Variants in ENTREP2 observed in about 807,000 individuals in gnomAD.
The protein encoded by ENTREP2 is protein ENTREP2.
chr15:29,557,594 G>A, the ENTREP2 span, among the ~76,000 whole-genome samples: 2 of 152,190 alleles, frequency 1.3e-5, no homozygotes, highest in Non-Finnish European at 2.9e-5. Context: ...AGACACGGGA[G>A]GGGAGAAGTG....
the ENTREP2 span, among the ~76,000 whole-genome samples, chr15:29,424,860 T>TATAA: frequency 1.3e-5 from 2 of 152,332 alleles, no homozygotes; most frequent in African/African-American, 4.8e-5. Context: ...GCAAGCCTTA[T>TATAA]CATGTCTGTG....
At chr15:29,125,698 G>C in the ENTREP2 span, among the ~76,000 whole-genome samples, 1 of 152,208 alleles carries the variant, frequency 6.6e-6, no homozygotes, top group South Asian at 2.1e-4. Flanking sequence ...CCAGCGCCGG[G>C]GGTGCCCAAG....
At chr15:29,651,331 G>T in the ENTREP2 span, among the ~76,000 whole-genome samples, 1 of 152,094 alleles carries the variant, frequency 6.6e-6, no homozygotes, top group African/African-American at 2.4e-5. Flanking sequence ...CTAGATATTA[G>T]GTATTCTGGA....
the ENTREP2 span, among the ~76,000 whole-genome samples, chr15:29,293,744 G>T: frequency 6.6e-6 from 1 of 152,154 alleles, no homozygotes; most frequent in South Asian, 2.1e-4. Flanking sequence ...CGTGGAAGTT[G>T]GCCATGCTGA....
At chr15:29,367,632 G>C in the ENTREP2 span, among the ~76,000 whole-genome samples, 1 of 152,152 alleles carries the variant, frequency 6.6e-6, no homozygotes, top group Non-Finnish European at 1.5e-5. Context: ...CATATGCCCA[G>C]GAAAGCCCTG....
chr15:29,346,452 G>A, the ENTREP2 span, among the ~76,000 whole-genome samples: 1 of 151,214 alleles, frequency 6.6e-6, no homozygotes, highest in African/African-American at 2.5e-5. Context: ...CCCACCCCAA[G>A]ACAGTAGAAG....
the ENTREP2 span, among the ~76,000 whole-genome samples, chr15:29,279,590 CTT>C: frequency 6.6e-6 from 1 of 152,096 alleles, no homozygotes; most frequent in Admixed American, 6.5e-5. Flanking sequence ...GTCTTGATCT[CTT>C]GACCTCGTGA....
chr15:29,244,425 T>G, the ENTREP2 span, among the ~76,000 whole-genome samples: 1 of 152,208 alleles, frequency 6.6e-6, no homozygotes, highest in East Asian at 1.9e-4. Context: ...TTTTTCCCTG[T>G]AAATCCTCAC....
the ENTREP2 span, among the ~76,000 whole-genome samples, chr15:29,397,353 T>G: frequency 6.6e-6 from 1 of 152,092 alleles, no homozygotes; most frequent in Non-Finnish European, 1.5e-5. Flanking sequence ...ATTGTGCCAC[T>G]GCACTCCAGC....
At chr15:29,119,314 T>C in the ENTREP2 span, among the ~76,000 whole-genome samples, 1 of 10,414 alleles carries the variant, frequency 9.6e-5, no homozygotes, top group South Asian at 7.2e-3. Flanking sequence ...ATGGATGAAA[T>C]TGGAAACCAT....
chr15:29,570,785 C>T, the ENTREP2 span: 1 of 500,642 alleles, frequency 2.0e-6, no homozygotes, highest in Non-Finnish European at 2.5e-6. Flanking sequence ...CGCCGCCTCT[C>T]CTCACAGAGG....
chr15:29,217,211 T>C, the ENTREP2 span, among the ~76,000 whole-genome samples: 4 of 152,156 alleles, frequency 2.6e-5, no homozygotes, highest in African/African-American at 9.7e-5. Context: ...TATCAGTTAA[T>C]TGCATTCTTG....
chr15:29,192,118 A>C, the ENTREP2 span, among the ~76,000 whole-genome samples: 2 of 152,168 alleles, frequency 1.3e-5, no homozygotes, highest in African/African-American at 2.4e-5. Flanking sequence ...CTTTGCTTAC[A>C]TGGCCCCCAG....
the ENTREP2 span, among the ~76,000 whole-genome samples, chr15:29,502,689 T>C: frequency 1.3e-5 from 2 of 152,166 alleles, no homozygotes; most frequent in South Asian, 4.1e-4. Flanking sequence ...ACAAATCATA[T>C]GTCTGATAAA....
the ENTREP2 span, among the ~76,000 whole-genome samples, chr15:29,239,466 G>T: frequency 6.6e-6 from 1 of 152,132 alleles, no homozygotes; most frequent in Non-Finnish European, 1.5e-5. Flanking sequence ...CCTCAGCCAG[G>T]TGTCAGATCT....
chr15:29,329,802 A>G, the ENTREP2 span, among the ~76,000 whole-genome samples: 2 of 152,262 alleles, frequency 1.3e-5, no homozygotes, highest in Non-Finnish European at 2.9e-5. Flanking sequence ...TATAACTGTG[A>G]GTATAAAATA....
the ENTREP2 span, among the ~76,000 whole-genome samples, chr15:29,434,806 A>G: frequency 6.6e-6 from 1 of 152,172 alleles, no homozygotes; most frequent in Non-Finnish European, 1.5e-5. Flanking sequence ...ACAATGCCTT[A>G]GACGGTGAAA....
chr15:29,245,522 A>T, the ENTREP2 span, among the ~76,000 whole-genome samples: 1 of 151,932 alleles, frequency 6.6e-6, no homozygotes, highest in South Asian at 2.1e-4. Flanking sequence ...CCATTCAAAA[A>T]GTCAAAAGAT....
At chr15:29,310,306 A>G in the ENTREP2 span, among the ~76,000 whole-genome samples, 6 of 152,124 alleles carry the variant, frequency 3.9e-5, no homozygotes, top group Non-Finnish European at 8.8e-5. Flanking sequence ...ATTTTTTAAA[A>G]TCTCTTTAAA....
Sources: allele counts gnomAD v4.1 joint callset (sites outside exome capture counted in the v4.1 genomes callset), GRCh38; gene constraint gnomAD v4.1.1; transcripts MANE v1.5; gene names NCBI Gene and HGNC (gene_info 2026-07-23, HGNC 2026-07-21).